The following CYB5R2 variants were observed in gnomAD, a reference collection of about 807,000 sequenced individuals.
The protein encoded by CYB5R2 is NADH-cytochrome b5 reductase 2.
CYB5R2 carries 35 observed loss-of-function variants against 29.8 expected under a neutral mutation model. The ratio of observed to expected loss-of-function variants is 1.17; its 90% CI spans 0.90 to 1.56. CYB5R2 has a LOEUF of 1.56. CYB5R2 is among the 40% of genes most tolerant of loss of function. The pLI is 0.00. For missense variants in CYB5R2, 419 were observed against 346.7 expected, an observed-to-expected ratio of 1.21 and a Z score of -1.66; for synonymous variants, 169 against 130.6, an observed-to-expected ratio of 1.29 and a Z score of -2.01.
Position 7,671,927 on chromosome 11 carries a change from G to A in CYB5R2, c.151+524C>T, listed in dbSNP as rs539146099. 39 of 154,180 alleles carry A rather than the reference G, an allele frequency of 2.5e-4. 1 individual carries two copies. In the South Asian group the frequency reaches 7.3e-3, roughly 29 times the overall value. The allele number at this position is 154,180 out of a possible 1,614,324, so 9.6% of individuals were successfully genotyped here. A position where few individuals can be genotyped will look rare whatever the true frequency, so the allele number is the denominator to read the frequency against. ...TGAGGCCCCTGCAGAGAATCTAAGT[G>A]ACCTTGGGGGCAGGGCACACCTGAC... On this transcript the variant is annotated intron_variant, in intron 3 of 8. Coordinates refer to ENST00000299498, the MANE Select transcript of CYB5R2 (RefSeq NM_016229.5).
rs776259358 is a variant in CYB5R2, at chr11:7,666,499, G to T, written c.610C>A (p.His204Asn). 6.2e-7 allele frequency: 1 copy of T among 1,613,424 alleles called. No individual in the cohort carries two copies. The highest frequency in any genetic ancestry group is 8.5e-7 in the Non-Finnish European group (1 of 1,179,562). ...RKELEEIART[H>N]PDQFNLWYTL... ...TACCACAGGTTGAACTGGTCTGGGT[G>T]AGTCCTGGCAATTTCTTCAAGCTCT... Residue 204 changes from histidine (H) to asparagine (N), a missense_variant, in exon 8 of 9, where the codon CAC (histidine) becomes AAC (asparagine). Coordinates refer to ENST00000299498, the MANE Select transcript of CYB5R2 (RefSeq NM_016229.5).
intron 4 of CYB5R2, 93 bp from the exon 5 acceptor site, chr11:7,669,427 A>C (rs1191972708): frequency 2.0e-6 from 3 of 1,466,654 alleles, no homozygotes; most frequent in Non-Finnish European, 2.8e-6. Context: ...GAAGCTTTGC[A>C]GAGAAAGTGT....
At chr11:7,665,937 G>C (rs975427859) in intron 8 of CYB5R2, 12 of 1,535,348 alleles carry the variant, frequency 7.8e-6, no homozygotes, top group Middle Eastern at 1.7e-4. Context: ...GCCGACCAGG[G>C]ACCTGTATGA....
intron 7 of CYB5R2, chr11:7,666,954 A>G (rs1363362869): frequency 6.2e-6 from 1 of 160,654 alleles, no homozygotes; most frequent in African/African-American, 2.4e-5. Context: ...AAGAAATGTA[A>G]TGGGCTCAGA....
intron 1 of CYB5R2, 197 bp from the exon 2 acceptor site, chr11:7,673,088 G>A: frequency 1.9e-6 from 1 of 522,680 alleles, no homozygotes; most frequent in Non-Finnish European, 3.4e-6. Context: ...GGAGGGGTCA[G>A]CTGCAGGTCA....
rs752331164 is a variant in CYB5R2 at position 7,672,455 on chromosome 11, A to C, written c.147T>G (p.Pro49=). The stretch of plus-strand genomic sequence containing the variant: ...GATGACCCAAGCCCGGCTCACCTAC[A>C]GGAAGCCCTAAGACATGGTCCGGCG... The part of the protein sequence containing the change: ...LPSPDHVLGL[P]VGNYVQLLAK... Residue 49 remains proline, a synonymous_variant, in exon 3 of 9, where the codon CCT becomes CCG. Transcript: ENST00000299498. The C allele has an allele frequency of 1.9e-6, 3 of 1,613,986 alleles. No homozygotes were observed. The South Asian group carries it at 3.3e-5, about 18-fold the overall frequency.
rs1855603378 is a variant in CYB5R2, at chr11:7,669,661, ACT to A, written c.220_221del (p.Ser74Ter). 1 of 1,611,748 alleles carries A rather than the reference ACT, an allele frequency of 6.2e-7. No homozygotes were observed. On this transcript the variant is annotated frameshift_variant, in exon 4 of 9. Coordinates refer to ENST00000299498, the MANE Select transcript of CYB5R2 (RefSeq NM_016229.5). LOFTEE classifies it high-confidence loss of function. ...GGTCCACAAAGCCTCTGTCATCATC[ACT>A]GGAGACAGGGGTGTAAGCCCTGACC... ...LVVRAYTPVSSDDDRGFVDLI... is the reference protein window; with the variant it reads ...LVVRAYTPVSXDDDRGFVDLI...
At chr11:7,674,231 G>C, upstream of CYB5R2, 1 of 1,287,388 alleles carries the variant, frequency 7.8e-7, no homozygotes, top group Non-Finnish European at 1.0e-6. Context: ...CATACCTCAT[G>C]GGCGCCTACC....
At chr11:7,665,981 GC>G in intron 8 of CYB5R2, 2 of 1,412,744 alleles carry the variant, frequency 1.4e-6, no homozygotes, top group Non-Finnish European at 1.9e-6. Flanking sequence ...TGTGAGAGGC[GC>G]GCCTGTGGGG....
intron 1 of CYB5R2, chr11:7,673,197 A>C (rs1400011460): frequency 2.5e-6 from 1 of 395,392 alleles, no homozygotes. Context: ...AGGTTCATAC[A>C]CTGGAAGTCC....
Position 7,665,305 on chromosome 11 carries a change from G to A in CYB5R2, c.*69C>T, listed in dbSNP as rs193006000. On this transcript the variant is annotated 3_prime_UTR_variant, in exon 9 of 9. Coordinates refer to ENST00000299498, the MANE Select transcript of CYB5R2 (RefSeq NM_016229.5). ...ACTTTTGAAAACATCCCAGTTTACC[G>A]TGGTGAAATTGAACTTACTCTGAAA... The A allele has an allele frequency of 5.3e-4, 680 of 1,291,578 alleles. 2 individuals carry two copies. In the African/African-American group the frequency reaches 8.4e-3, roughly 16 times the overall value. 80.0% of individuals were successfully genotyped at this position (1,291,578 alleles called of 1,614,324 possible). A position where few individuals can be genotyped will look rare whatever the true frequency, so the allele number is the denominator to read the frequency against.
rs1383642356 is a variant in CYB5R2, at chr11:7,672,863, A to C, written c.-38T>G. Reference sequence around the variant, plus strand: ...CAACACGAGCACAGTGACCCCAGTGACGGTGATGGTCAGGAGCAGGGACGG... The same window carrying C: ...CAACACGAGCACAGTGACCCCAGTGCCGGTGATGGTCAGGAGCAGGGACGG... On this transcript the variant is annotated 5_prime_UTR_variant, in exon 2 of 9. Coordinates refer to ENST00000299498, the MANE Select transcript of CYB5R2 (RefSeq NM_016229.5). 6.2e-7 allele frequency: 1 copy of C among 1,613,972 alleles called. No homozygotes were observed. The highest frequency in any genetic ancestry group is 1.7e-5 in the Admixed American group (1 of 60,010).
chr11:7,669,830 G>A, intron 3 of CYB5R2, 99 bp from the exon 4 acceptor site: 1 of 862,834 alleles, frequency 1.2e-6, no homozygotes, highest in Non-Finnish European at 1.9e-6. Context: ...AAATACTGGG[G>A]GCACAATGTT....
rs202073796 is a variant in CYB5R2 at position 7,669,702 on chromosome 11, C to G, written c.181G>C (p.Asp61His). The G allele has an allele frequency of 6.2e-7, 1 of 1,613,938 alleles. No homozygotes were observed. Among genetic ancestry groups the G allele is most frequent in the Admixed American group, 1.7e-5 (1 of 59,972 alleles). ...TAAGCCCTGACCACCAATTCATTAT[C>G]GATTTTTGCCAAGAGCTGGACATAG... ...GNYVQLLAKI[D>H]NELVVRAYTP... The change falls in exon 4 of 9, where the codon GAT becomes CAT. Residue 61 changes from aspartate to histidine, a missense_variant. By Grantham distance (81) the Asp-to-His change is moderately conservative. Coordinates refer to ENST00000299498, the MANE Select transcript of CYB5R2 (RefSeq NM_016229.5).
chr11:7,667,655 C>A, intron 7 of CYB5R2, 73 bp downstream of exon 7: 2 of 1,371,696 alleles, frequency 1.5e-6, no homozygotes, highest in Non-Finnish European at 2.1e-6. Flanking sequence ...TCAGTCAATG[C>A]AGGAGAAATG....
Position 7,665,357 on chromosome 11 carries a change from C to T in CYB5R2, c.*17G>A. On this transcript the variant is annotated 3_prime_UTR_variant, in exon 9 of 9. Coordinates refer to ENST00000299498, the MANE Select transcript of CYB5R2 (RefSeq NM_016229.5). ...AGATGAAAAGGGACATGCAAAATTG[C>T]TGAGCACGTGGAGGTGTTAGTAGGT... The T allele has an allele frequency of 6.7e-7, 1 of 1,485,414 alleles. No individual in the cohort carries two copies. Among genetic ancestry groups the T allele is most frequent in the Non-Finnish European group, 9.0e-7 (1 of 1,114,672 alleles). 92.0% of individuals were successfully genotyped at this position (1,485,414 alleles called of 1,614,324 possible).
rs79657296 is a variant in CYB5R2, at chr11:7,668,021, C to T, written c.473-208G>A. On this transcript the variant is annotated intron_variant, in intron 6 of 8. Coordinates refer to ENST00000299498, the MANE Select transcript of CYB5R2 (RefSeq NM_016229.5). ...GGTAGTCTTTCTCATTTTCATATGG[C>T]AAGATGGAAAGAACACTCTAAGTTC... Among the ~76,000 whole-genome samples, 946 of 152,344 alleles carry T rather than the reference C, an allele frequency of 6.2e-3. 13 individuals are homozygous for T. The highest frequency in any genetic ancestry group is 0.022 in the African/African-American group (904 of 41,566).
intron 3 of CYB5R2, 128 bp downstream of exon 3, chr11:7,672,323 C>T (rs1337615776): frequency 2.7e-6 from 2 of 736,634 alleles, no homozygotes; most frequent in Non-Finnish European, 4.5e-6. Flanking sequence ...TCCCTGAGCT[C>T]ACAGGCTCAG....
chr11:7,668,521 T>G lies in CYB5R2; in HGVS notation c.429A>C (p.Lys143Asn). 1 of 1,614,164 alleles carries G rather than the reference T, an allele frequency of 6.2e-7. No individual in the cohort carries two copies. Among genetic ancestry groups the G allele is most frequent in the East Asian group, 2.2e-5 (1 of 44,876 alleles). ...GIRPDQTSEP[K>N]KTLADHLGMI... is the part of the protein sequence containing the mutation. ...TTCCCAGGTGATCGGCCAGTGTTTT[T>G]TTAGGCTCACTCGTCTGGTCTGGTC... The change falls in exon 6 of 9, where the codon AAA (lysine) becomes AAC (asparagine). Residue 143 changes from lysine to asparagine, a missense_variant. Lys to Asn is a moderately conservative substitution (Grantham distance 94). Transcript: ENST00000299498.
Sources: gnomAD v4.1 joint callset for allele counts (sites outside exome capture counted in the v4.1 genomes callset) on GRCh38, gnomAD v4.1.1 for gene constraint, MANE v1.5 for transcripts, NCBI Gene and HGNC (gene_info 2026-07-23, HGNC 2026-07-21) for gene names.